The following NEDD4 variants were observed in gnomAD, a reference collection of about 807,000 sequenced individuals.
The protein encoded by NEDD4 is NEDD4 E3 ubiquitin protein ligase, also known as E3 ubiquitin-protein ligase NEDD4.
A neutral mutation model predicts 144.9 loss-of-function variants in NEDD4; 99 were observed. The observed-to-expected ratio is 0.68, with a 90% confidence interval of 0.58 to 0.81. The LOEUF is 0.81. Among genes scored for constraint, NEDD4 ranks in the 30% least tolerant of loss-of-function variants. The probability of loss-of-function intolerance (pLI) is 0.00; values close to 1 mark genes in which losing one functional copy is unlikely to be tolerated. For missense variants in NEDD4, 985 were observed against 1,065.9 expected, an observed-to-expected ratio of 0.92 and a Z score of 1.06; for synonymous variants, 318 against 350.6, an observed-to-expected ratio of 0.91 and a Z score of 1.04.
chr15:55,962,042 A>G (rs1410210797), intron 2 of NEDD4, among the ~76,000 whole-genome samples: 1 of 152,130 alleles, frequency 6.6e-6, no homozygotes, highest in South Asian at 2.1e-4. Flanking sequence ...ATTCCGTCAA[A>G]TTTTGATTCA....
intron 1 of NEDD4, among the ~76,000 whole-genome samples, chr15:55,981,571 T>C (rs2037804765): frequency 6.6e-6 from 1 of 152,180 alleles, no homozygotes; most frequent in South Asian, 2.1e-4. Flanking sequence ...CTGGAGTCTA[T>C]GATACCCACA....
chr15:55,963,135 AT>A (rs201400016), intron 2 of NEDD4, among the ~76,000 whole-genome samples: 147 of 135,990 alleles, frequency 1.1e-3, no homozygotes, highest in Middle Eastern at 3.9e-3. Flanking sequence ...ACTCTTTTTT[AT>A]TTTTTTTTTT....
Position 55,840,459 on chromosome 15 carries a change from A to C in NEDD4, c.2019T>G (p.Asp673Glu). The change falls in exon 21 of 29, where the codon GAT becomes GAG. Residue 673 changes from aspartate (D) to glutamate (E), a missense_variant. By Grantham distance (45) the Asp-to-Glu change is conservative. Coordinates refer to ENST00000435532, the MANE Select transcript of NEDD4 (RefSeq NM_006154.4). The part of the protein sequence containing the change: ...MMLHKPITLH[D>E]MESVDSEYYN... The stretch of plus-strand genomic sequence containing the variant: ...GAAAAAGACATACCACAGATTCCAT[A>C]TCATGAAGGGTTATTGGTTTGTGAA... The C allele has an allele frequency of 6.2e-7, 1 of 1,613,552 alleles. No homozygotes were observed. Among genetic ancestry groups the C allele is most frequent in the Non-Finnish European group, 8.5e-7 (1 of 1,179,842 alleles).
At position 55,840,741 on chromosome 15, in the gene NEDD4, C is replaced by T. The variant is rs757378456; in HGVS notation, c.1839-14G>A. On this transcript the variant is annotated splice_polypyrimidine_tract_variant and intron_variant, in intron 19 of 28. Transcript: ENST00000435532. Reference sequence around the variant, plus strand: ...GTATAATTGTCCCTGTAAAGACAACCCCATTTAAATACTTCATTTGAAAAA... The same window carrying T: ...GTATAATTGTCCCTGTAAAGACAACTCCATTTAAATACTTCATTTGAAAAA... 6 of 1,597,248 alleles carry T rather than the reference C, an allele frequency of 3.8e-6. No homozygotes were observed. The highest frequency in any genetic ancestry group is 1.8e-5 in the Admixed American group (1 of 55,532).
chr15:55,925,000 G>C (rs1204551815), intron 4 of NEDD4, among the ~76,000 whole-genome samples: 1 of 152,168 alleles, frequency 6.6e-6, no homozygotes, highest in Non-Finnish European at 1.5e-5. Context: ...CCTGGGAGGT[G>C]GTGACTGCAG....
Position 55,873,959 on chromosome 15 carries a change from G to A in NEDD4, c.341C>T (p.Pro114Leu), listed in dbSNP as rs577812785. 51 of 1,537,158 alleles carry A rather than the reference G, an allele frequency of 3.3e-5. No individual in the cohort carries two copies. The highest frequency in any genetic ancestry group is 3.6e-4 in the Middle Eastern group (2 of 5,616). The change falls in exon 6 of 29, where the codon CCG (proline) becomes CTG (leucine). Residue 114 changes from proline to leucine, a missense_variant and splice_region_variant. Physicochemically the swap from Pro to Leu is moderately conservative, Grantham distance 98. Coordinates refer to ENST00000435532, the MANE Select transcript of NEDD4 (RefSeq NM_006154.4). The part of the protein sequence containing the change: ...GQVDVPLYPL[P>L]TENPRLERPY... ...AAAATCATGGACACCTATACCAACC[G>A]GTAATGGATAAAGTGGAACATCCAC...
chr15:55,872,494 G>T lies in NEDD4; in HGVS notation c.343-18C>A. The T allele has an allele frequency of 1.6e-6, 2 of 1,271,448 alleles. No homozygotes were observed. The highest frequency in any genetic ancestry group is 2.1e-6 in the Non-Finnish European group (2 of 936,348). The allele number at this position is 1,271,448 out of a possible 1,614,324, so 78.8% of individuals were successfully genotyped here. On this transcript the variant is annotated intron_variant, in intron 6 of 28. Transcript: ENST00000435532. Reference sequence around the variant, plus strand: ...TTTTCTGTCTAGAATAAAATAGTGGGTTTTCAAAATATATCTATAACACCA... The same window carrying T: ...TTTTCTGTCTAGAATAAAATAGTGGTTTTTCAAAATATATCTATAACACCA...
In NEDD4 at chr15:55,873,987, G is replaced by T; in HGVS notation, c.313C>A (p.Gln105Lys). 6.5e-7 allele frequency: 1 copy of T among 1,544,318 alleles called. No individual in the cohort carries two copies. The highest frequency in any genetic ancestry group is 8.8e-7 in the Non-Finnish European group (1 of 1,139,678). ...AATGGATAAAGTGGAACATCCACTTGACCTAGGAAATCATCTCTTGTCTAT... is the reference window on the plus strand; with the variant it reads ...AATGGATAAAGTGGAACATCCACTTTACCTAGGAAATCATCTCTTGTCTAT... ...NRLTRDDFLG[Q>K]VDVPLYPLPT... The change falls in exon 6 of 29, where the codon CAA becomes AAA. Residue 105 changes from glutamine (Q) to lysine (K), a missense_variant. Gln to Lys is a moderately conservative substitution (Grantham distance 53). Transcript: ENST00000435532.
intron 11 of NEDD4, among the ~76,000 whole-genome samples, chr15:55,857,543 G>C (rs1219578019): frequency 6.6e-6 from 1 of 152,042 alleles, no homozygotes; most frequent in African/African-American, 2.4e-5. Context: ...GGCTGGTCTC[G>C]AACTCCTAAC....
At chr15:55,841,851 A>T in intron 19 of NEDD4, 83 bp downstream of exon 19, 2 of 1,150,148 alleles carry the variant, frequency 1.7e-6, no homozygotes, top group East Asian at 2.4e-5. Flanking sequence ...GATTACAGGC[A>T]TGAGCCACTG....
At chr15:55,923,645 CAA>C (rs767874914) in intron 5 of NEDD4, among the ~76,000 whole-genome samples, 3 of 123,284 alleles carry the variant, frequency 2.4e-5, no homozygotes, top group African/African-American at 3.0e-5. Flanking sequence ...GACTCCATCT[CAA>C]AAAAAAAAAA....
intron 5 of NEDD4, among the ~76,000 whole-genome samples, chr15:55,874,946 C>T (rs879790196): frequency 2.0e-5 from 3 of 151,482 alleles, no homozygotes; most frequent in African/African-American, 4.9e-5. Context: ...TGCACTCCAG[C>T]TTGGGTGACA....
chr15:55,852,338 G>T, intron 13 of NEDD4, 86 bp downstream of exon 13: 2 of 1,354,022 alleles, frequency 1.5e-6, no homozygotes, highest in Non-Finnish European at 2.0e-6. Context: ...AGTATCCAGT[G>T]TATCCTACAA....
At chr15:55,985,530 G>C (rs2037876284) in intron 1 of NEDD4, among the ~76,000 whole-genome samples, 1 of 152,172 alleles carries the variant, frequency 6.6e-6, no homozygotes, top group South Asian at 2.1e-4. Flanking sequence ...TGGTCAGGAA[G>C]TTAGTTACAC....
Position 55,847,192 on chromosome 15 carries a change from T to C in NEDD4, c.1543-158A>G, listed in dbSNP as rs148230984. 5.8e-4 allele frequency among the ~76,000 whole-genome samples: 89 copies of C among 152,332 alleles called. 1 individual carries two copies. The East Asian group carries it at 9.8e-3, about 17-fold the overall frequency. On this transcript the variant is annotated intron_variant, in intron 17 of 28. Coordinates refer to ENST00000435532, the MANE Select transcript of NEDD4 (RefSeq NM_006154.4). ...AAAAACAAATACAAAACTTTAAACT[T>C]TAAAATATTTAATTTCTCTGTTTAA...
chr15:55,853,671 T>A (rs765954779), intron 12 of NEDD4, among the ~76,000 whole-genome samples: 2 of 152,184 alleles, frequency 1.3e-5, no homozygotes, highest in African/African-American at 2.4e-5. Context: ...AGAAGTCTGG[T>A]TATTTCCAGG....
At chr15:55,952,648 C>T (rs554998982) in intron 2 of NEDD4, 2 of 152,376 alleles carry the variant, frequency 1.3e-5, no homozygotes, top group South Asian at 2.1e-4. Flanking sequence ...CAGAATCCAT[C>T]CTTACCCCTA....
rs2142349012 is a variant in NEDD4 at position 55,977,194 on chromosome 15, C to T, written c.46-10648G>A. 2.6e-5 allele frequency among the ~76,000 whole-genome samples: 4 copies of T among 152,226 alleles called. 1 individual carries two copies. The South Asian group carries it at 8.3e-4, about 32-fold the overall frequency. On this transcript the variant is annotated intron_variant, in intron 1 of 28. Transcript: ENST00000435532. ...CATGGCTGCAGAATGATATTTTGGC[C>T]AATGATGGACAGCATATATGATGGT... is the stretch of plus-strand genomic sequence containing the variant.
intron 5 of NEDD4, among the ~76,000 whole-genome samples, chr15:55,881,571 G>T (rs1473037652): frequency 6.6e-6 from 1 of 152,000 alleles, no homozygotes; most frequent in Non-Finnish European, 1.5e-5. Context: ...GATGACTGAG[G>T]AATAAAATAT....
Sources: allele counts gnomAD v4.1 joint callset (sites outside exome capture counted in the v4.1 genomes callset), GRCh38; gene constraint gnomAD v4.1.1; transcripts MANE v1.5; gene names NCBI Gene and HGNC (gene_info 2026-07-23, HGNC 2026-07-21).